The following VWF variants were observed in gnomAD, a reference collection of about 807,000 sequenced individuals.
VWF encodes von Willebrand factor, also known as Factor VIII related antigen.
VWF carries 176 observed loss-of-function variants against 308.6 expected under a neutral mutation model. The observed-to-expected ratio is 0.57, with a 90% confidence interval of 0.50 to 0.65. VWF has a LOEUF of 0.65. Among genes scored for constraint, VWF ranks in the 30% least tolerant of loss-of-function variants. The pLI is 0.00. For synonymous variants in VWF, 1,385 were observed against 1,443.4 expected (o/e 0.96, Z 0.92); for missense variants, 3,146 against 3,648.2 (o/e 0.86, Z 3.55).
At position 6,046,957 on chromosome 12, in the gene VWF, C is replaced by T. The variant is rs536948073; in HGVS notation, c.2187-140G>A. ...CCCCTCCTGAAGCACAGCTTGCTAACGTTACCAATGGATGATCCCCACGTC... is the reference window on the plus strand; with the variant it reads ...CCCCTCCTGAAGCACAGCTTGCTAATGTTACCAATGGATGATCCCCACGTC... On this transcript the variant is annotated intron_variant, in intron 16 of 51. Coordinates refer to ENST00000261405, the MANE Select transcript of VWF (RefSeq NM_000552.5). The surrounding 1 kb of genome is among the most constrained non-coding windows in gnomAD (Gnocchi z 5.0). 15 of 751,048 alleles carry T rather than the reference C, an allele frequency of 2.0e-5. No individual in the cohort carries two copies. Among genetic ancestry groups the T allele is most frequent in the African/African-American group, 8.6e-5 (5 of 58,192 alleles). 46.5% of individuals were successfully genotyped at this position (751,048 alleles called of 1,614,324 possible).
At chr12:5,988,857 G>A (rs993731322) in intron 38 of VWF, among the ~76,000 whole-genome samples, 3 of 151,990 alleles carry the variant, frequency 2.0e-5, no homozygotes, top group East Asian at 3.9e-4. Flanking sequence ...ACCGGTATGA[G>A]AGCCAGCAGG....
chr12:6,086,096 T>C (rs1443849044), intron 6 of VWF, among the ~76,000 whole-genome samples: 1 of 152,026 alleles, frequency 6.6e-6, no homozygotes, highest in Non-Finnish European at 1.5e-5. Context: ...AGGGTGCCTA[T>C]CCATGGGGGG....
chr12:6,115,275 G>A (rs1230499660), intron 3 of VWF, among the ~76,000 whole-genome samples: 1 of 152,180 alleles, frequency 6.6e-6, no homozygotes, highest in Non-Finnish European at 1.5e-5. Flanking sequence ...CTGGGCTCAA[G>A]CAATCCTCCC....
intron 43 of VWF, among the ~76,000 whole-genome samples, chr12:5,972,651 TCTCCACGAGACCTA>T (rs1943490084): frequency 6.6e-6 from 1 of 152,070 alleles, no homozygotes; most frequent in African/African-American, 2.4e-5. Context: ...CCCCACCCAG[TCTCCACGAGACCTA>T]CTGATATCAC....
At chr12:6,057,161 G>T (rs1157287590) in intron 14 of VWF, 89 bp from the exon 15 acceptor site, 3 of 1,251,000 alleles carry the variant, frequency 2.4e-6, no homozygotes, top group Non-Finnish European at 3.3e-6. Flanking sequence ...AAATAGCCCA[G>T]TGCTGCTAAT....
rs199893035 is a variant in VWF at position 6,016,664 on chromosome 12, GA to G, written c.5171-9del. On this transcript the variant is annotated splice_polypyrimidine_tract_variant and intron_variant, in intron 29 of 51. Coordinates refer to ENST00000261405, the MANE Select transcript of VWF (RefSeq NM_000552.5). ...CCTGAGTGAGACGAGGCCCTAAACG[GA>G]ACGAGAAAATGCGGATTATTTTGAA... The G allele has an allele frequency of 4.3e-4, 693 of 1,614,196 alleles. 3 individuals carry two copies. In the East Asian group the frequency reaches 0.014, roughly 33 times the overall value.
chr12:5,995,901 C>T (rs562666245), intron 35 of VWF, 101 bp downstream of exon 35: 6 of 1,091,442 alleles, frequency 5.5e-6, no homozygotes, highest in Non-Finnish European at 8.2e-6. Context: ...GAAGGCAGAG[C>T]TCCTAACAAG....
At chr12:6,098,878 C>T (rs1378221108) in intron 5 of VWF, among the ~76,000 whole-genome samples, 1 of 152,032 alleles carries the variant, frequency 6.6e-6, no homozygotes, top group Non-Finnish European at 1.5e-5. Context: ...GCAAGGGTGG[C>T]AATCTTGCCA....
In VWF at chr12:6,044,832, A is replaced by G. The variant is rs549455570; in HGVS notation, c.2282-381T>C. 5.8e-4 allele frequency among the ~76,000 whole-genome samples: 88 copies of G among 152,330 alleles called. 1 individual carries two copies. Among genetic ancestry groups the G allele is most frequent in the Admixed American group, 1.4e-3 (21 of 15,312 alleles). On this transcript the variant is annotated intron_variant, in intron 17 of 51. Transcript: ENST00000261405. ...AAAGGAGTTTTAATGGACCCAACAGAATCATTCCTAAATGGTTACAACTAA... is the reference window on the plus strand; with the variant it reads ...AAAGGAGTTTTAATGGACCCAACAGGATCATTCCTAAATGGTTACAACTAA...
At chr12:6,114,429 C>T (rs2136527351) in intron 3 of VWF, among the ~76,000 whole-genome samples, 1 of 152,278 alleles carries the variant, frequency 6.6e-6, no homozygotes, top group South Asian at 2.1e-4. Context: ...TAAAGTAAGG[C>T]CTGCAAGGCT....
intron 10 of VWF, among the ~76,000 whole-genome samples, chr12:6,068,293 G>T (rs1166401609): frequency 6.6e-6 from 1 of 151,948 alleles, no homozygotes; most frequent in African/African-American, 2.4e-5. Flanking sequence ...GTGAGCCCTG[G>T]ACGCGGCTGC....
At chr12:6,124,272 T>A in intron 1 of VWF, 149 bp downstream of exon 1, 1 of 152,500 alleles carries the variant, frequency 6.6e-6, no homozygotes, top group Non-Finnish European at 1.5e-5. Flanking sequence ...GAGGGAGTAT[T>A]AGGATCATCC....
At chr12:5,988,799 C>T (rs216886) in intron 38 of VWF, among the ~76,000 whole-genome samples, 79,100 of 151,916 alleles carry the variant, frequency 0.52, 20,896 homozygotes, top group East Asian at 0.74. Flanking sequence ...GGCAGGCAGT[C>T]GCAATCGCCA....
intron 46 of VWF, 38 bp downstream of exon 46, chr12:5,968,089 C>T (rs1483103798): frequency 1.2e-6 from 2 of 1,613,764 alleles, no homozygotes; most frequent in South Asian, 1.1e-5. Context: ...CCTTCCCTGT[C>T]CCCACCACTT....
chr12:5,976,046 A>C lies in VWF; in HGVS notation c.7437+65T>G, dbSNP rs1943529355. On this transcript the variant is annotated intron_variant, in intron 43 of 51. Coordinates refer to ENST00000261405, the MANE Select transcript of VWF (RefSeq NM_000552.5). Reference sequence around the variant, plus strand: ...AAAAAGAACCTTTCTTACCCTTCCTAAGATGCCCTCCTCTACTTTCCCGCT... The same window carrying C: ...AAAAAGAACCTTTCTTACCCTTCCTCAGATGCCCTCCTCTACTTTCCCGCT... 3 of 1,606,442 alleles carry C rather than the reference A, an allele frequency of 1.9e-6. No homozygotes were observed. The African/African-American group carries it at 4.0e-5, about 22-fold the overall frequency.
rs745667020 is a variant in VWF at position 6,057,881 on chromosome 12, T to TG, written c.1696dup (p.His566ProfsTer84). 6.2e-7 allele frequency: 1 copy of TG among 1,611,698 alleles called. No homozygotes were observed. On this transcript the variant is annotated frameshift_variant, in exon 14 of 52. Coordinates refer to ENST00000261405, the MANE Select transcript of VWF (RefSeq NM_000552.5). LOFTEE classifies it high-confidence loss of function. Reference sequence around the variant, plus strand: ...CGGGTTGAGGGCGCAGGGATCGCTGTGCTGCTTCTGCAGGTCCTGGCAGTC... The same window carrying TG: ...CGGGTTGAGGGCGCAGGGATCGCTGTGGCTGCTTCTGCAGGTCCTGGCAGTC...
chr12:6,104,034 G>C (rs1945213074), intron 5 of VWF, among the ~76,000 whole-genome samples: 1 of 152,118 alleles, frequency 6.6e-6, no homozygotes, highest in Non-Finnish European at 1.5e-5. Context: ...CAAGAGACTA[G>C]TATCCAGAAT....
At chr12:6,014,959 T>C (rs1050847022) in intron 31 of VWF, among the ~76,000 whole-genome samples, 5 of 152,232 alleles carry the variant, frequency 3.3e-5, no homozygotes, top group African/African-American at 9.6e-5. Flanking sequence ...TTCTTGATAC[T>C]GAAGGAGAAA....
chr12:5,957,462 T>C (rs1035801971), intron 47 of VWF, among the ~76,000 whole-genome samples: 17 of 151,996 alleles, frequency 1.1e-4, no homozygotes, highest in Admixed American at 5.2e-4. Context: ...GGAAGAAAAT[T>C]ACACAAAAGC....
Sources: allele counts gnomAD v4.1 joint callset (sites outside exome capture counted in the v4.1 genomes callset), GRCh38; gene constraint gnomAD v4.1.1; non-coding constraint Gnocchi (gnomAD v3.1); transcripts MANE v1.5; gene names NCBI Gene and HGNC (gene_info 2026-07-23, HGNC 2026-07-21).